Variants in ABCB10 observed in about 807,000 individuals in gnomAD.
The protein encoded by ABCB10 is ATP-binding cassette sub-family B member 10, mitochondrial.
Under a neutral mutation model 65.4 loss-of-function variants are expected in ABCB10, and 54 were observed. The observed-to-expected ratio is 0.83, with a 90% CI of 0.66 to 1.04. The LOEUF (loss-of-function observed/expected upper bound fraction) is 1.04. Ranked by LOEUF, ABCB10 falls within the 50% of genes least tolerant of loss-of-function variation. ABCB10 has a pLI of 0.00. For synonymous variants in ABCB10, 418 were observed against 406.5 expected, an observed-to-expected ratio of 1.03 and a Z score of -0.34; for missense variants, 846 against 976.6, an observed-to-expected ratio of 0.87 and a Z score of 1.78.
chr1:229,542,389 A>T lies in ABCB10; in HGVS notation c.922-18T>A. 6.2e-7 allele frequency: 1 copy of T among 1,609,272 alleles called. No homozygotes were observed. The highest frequency in any genetic ancestry group is 8.5e-7 in the Non-Finnish European group (1 of 1,177,918). ...ACAAAAAACTGTCAAAAACAAAAAAAAATTCAGAGGTGTTTGTTACATTGG... is the reference window on the plus strand; with the variant it reads ...ACAAAAAACTGTCAAAAACAAAAAATAATTCAGAGGTGTTTGTTACATTGG... On this transcript the variant is annotated intron_variant, in intron 3 of 12. Coordinates refer to ENST00000344517, the MANE Select transcript of ABCB10 (RefSeq NM_012089.3).
At chr1:229,524,690 G>A (rs187359632) in intron 10 of ABCB10, among the ~76,000 whole-genome samples, 50 of 152,294 alleles carry the variant, frequency 3.3e-4, no homozygotes, top group African/African-American at 1.2e-3. Flanking sequence ...CCTCACAGCC[G>A]TGAGTCTATT....
Position 229,547,630 on chromosome 1 carries a change from CAAAG to C in ABCB10, c.786_789del (p.Phe262LeufsTer9). 6.2e-7 allele frequency: 1 copy of C among 1,614,190 alleles called. No homozygotes were observed. The highest frequency in any genetic ancestry group is 8.5e-7 in the Non-Finnish European group (1 of 1,180,036). On this transcript the variant is annotated frameshift_variant, in exon 3 of 13. Transcript: ENST00000344517. LOFTEE classifies it high-confidence loss of function. ...ATCAATTCTCCTGTGCGAGTCTTGT[CAAAG>C]AAAGCAACCTCCTGCCTCAGAATGG...
At chr1:229,543,919 T>G (rs1190721701) in intron 3 of ABCB10, among the ~76,000 whole-genome samples, 2 of 152,114 alleles carry the variant, frequency 1.3e-5, no homozygotes. Context: ...AGGGCAGGTC[T>G]AACACTTCTG....
intron 1 of ABCB10, 105 bp downstream of exon 1, chr1:229,558,031 G>A (rs1663301656): frequency 2.5e-6 from 3 of 1,190,264 alleles, no homozygotes; most frequent in Non-Finnish European, 1.1e-6. Flanking sequence ...AGAGGCGGCG[G>A]TGACACGCGC....
intron 6 of ABCB10, among the ~76,000 whole-genome samples, chr1:229,532,383 T>C (rs1662606759): frequency 6.6e-6 from 1 of 152,200 alleles, no homozygotes; most frequent in Non-Finnish European, 1.5e-5. Flanking sequence ...AGCATTGTAA[T>C]TTAACTGAAA....
In ABCB10 at chr1:229,540,642, C is replaced by T; in HGVS notation, c.1167G>A (p.Arg389=). Residue 389 remains arginine (R), a synonymous_variant, in exon 5 of 13, where the codon AGG becomes AGA. Coordinates refer to ENST00000344517, the MANE Select transcript of ABCB10 (RefSeq NM_012089.3). ...SKVDHVMQLA[R]KEAFARAGFF... ...AACCAGCCCGGGCGAATGCCTCTTT[C>T]CTTGCTAACTGCATTACATGGTCCA... 1 of 1,612,246 alleles carries T rather than the reference C, an allele frequency of 6.2e-7. No individual in the cohort carries two copies. Among genetic ancestry groups the T allele is most frequent in the Non-Finnish European group, 8.5e-7 (1 of 1,179,984 alleles).
At position 229,558,205 on chromosome 1, in the gene ABCB10, C is replaced by A. The variant is rs4148756; in HGVS notation, c.448G>T (p.Ala150Ser). 4.5e-3 allele frequency: 6,315 copies of A among 1,417,746 alleles called. 237 individuals carry two copies. The East Asian group carries it at 0.089, about 20-fold the overall frequency. 87.8% of individuals were successfully genotyped at this position (1,417,746 alleles called of 1,614,324 possible). A position where few individuals can be genotyped will look rare whatever the true frequency, so the allele number is the denominator to read the frequency against. Residue 150 changes from alanine (A) to serine (S), a missense_variant, in exon 1 of 13, where the codon GCA (alanine) becomes TCA (serine). Physicochemically the swap from Ala to Ser is moderately conservative, Grantham distance 99. Around this residue, in one of 2 missense-constraint regions of ABCB10, gnomAD observed 632 missense variants for 803.2 expected, o/e 0.79. Transcript: ENST00000344517. The stretch of plus-strand genomic sequence containing the variant: ...CGGGCCTCCGGGAGTCCGGCCGCTG[C>A]GGGGCGCAGCCGCCCCTTGTCCCCG... Reference protein sequence around the residue: ...PPGDKGRLRPAAAGLPEARKL... With the variant: ...PPGDKGRLRPSAAGLPEARKL...
At chr1:229,539,409 C>T in intron 6 of ABCB10, 47 bp downstream of exon 6, 1 of 1,598,206 alleles carries the variant, frequency 6.3e-7, no homozygotes, top group Non-Finnish European at 8.5e-7. Flanking sequence ...AGAAATGATG[C>T]TCTGATTTTT....
At chr1:229,535,428 GA>G (rs1558123713) in intron 6 of ABCB10, among the ~76,000 whole-genome samples, 2 of 152,124 alleles carry the variant, frequency 1.3e-5, no homozygotes, top group African/African-American at 4.8e-5. Flanking sequence ...GCCATAAAAA[GA>G]CATGGAGAAA....
At chr1:229,551,935 C>A (rs767780747) in intron 1 of ABCB10, among the ~76,000 whole-genome samples, 31 of 152,196 alleles carry the variant, frequency 2.0e-4, no homozygotes, top group Non-Finnish European at 3.5e-4. Flanking sequence ...AAAGGTCCAC[C>A]TCTTCCCTCC....
At chr1:229,531,591 A>T (rs776389290) in intron 7 of ABCB10, 45 bp downstream of exon 7, 1 of 1,579,480 alleles carries the variant, frequency 6.3e-7, no homozygotes, top group East Asian at 2.2e-5. Flanking sequence ...CATTGTTCAA[A>T]GCCACATTTG....
intron 1 of ABCB10, among the ~76,000 whole-genome samples, chr1:229,557,614 G>C (rs1313547737): frequency 6.6e-6 from 1 of 152,076 alleles, no homozygotes; most frequent in African/African-American, 2.4e-5. Context: ...GTGGCCTGTT[G>C]AACACAGTGC....
Position 229,517,700 on chromosome 1 carries a change from T to C in ABCB10, c.*479A>G, listed in dbSNP as rs1388772573. 1 of 156,066 alleles carries C rather than the reference T, an allele frequency of 6.4e-6. No individual in the cohort carries two copies. The highest frequency in any genetic ancestry group is 1.4e-5 in the Non-Finnish European group (1 of 70,882). 9.7% of individuals were successfully genotyped at this position (156,066 alleles called of 1,614,324 possible). On this transcript the variant is annotated 3_prime_UTR_variant, in exon 13 of 13. Transcript: ENST00000344517. ...GGTTTGCTTCATGAGATTATCGGAA[T>C]AAAGGGTTAAATTTTCAATTTCCAT...
intron 4 of ABCB10, 30 bp from the exon 5 acceptor site, chr1:229,540,782 G>A: frequency 1.3e-6 from 2 of 1,595,930 alleles, no homozygotes; most frequent in Non-Finnish European, 1.7e-6. Flanking sequence ...ATTTCAGGAG[G>A]AGAAGGGTCA....
intron 1 of ABCB10, among the ~76,000 whole-genome samples, chr1:229,554,151 G>C (rs888318133): frequency 6.6e-6 from 1 of 152,172 alleles, no homozygotes; most frequent in Non-Finnish European, 1.5e-5. Flanking sequence ...GATGCAGGTG[G>C]GTGTGATGGA....
At position 229,521,579 on chromosome 1, in the gene ABCB10, G is replaced by A. The variant is rs201648623; in HGVS notation, c.1950+13C>T. On this transcript the variant is annotated intron_variant, in intron 11 of 12. Transcript: ENST00000344517. ...CCCTAATTTAAAAAACATCCAAGTC[G>A]CTTCAGGCTTACCTTTAGCAGAGCA... 7.6e-4 allele frequency: 1,212 copies of A among 1,590,422 alleles called. 12 individuals carry two copies. The highest frequency in any genetic ancestry group is 4.5e-4 in the Admixed American group (26 of 57,882).
chr1:229,549,719 C>T (rs1663061418), intron 1 of ABCB10, among the ~76,000 whole-genome samples: 1 of 152,112 alleles, frequency 6.6e-6, no homozygotes, highest in African/African-American at 2.4e-5. Context: ...AAACTGGGAG[C>T]CAACTATGGA....
rs1451347580 is a variant in ABCB10 at position 229,558,430 on chromosome 1, C to T, written c.223G>A (p.Gly75Arg). 6.6e-6 allele frequency: 8 copies of T among 1,208,684 alleles called. No individual in the cohort carries two copies. Among genetic ancestry groups the T allele is most frequent in the East Asian group, 7.6e-5 (2 of 26,442 alleles). The allele number at this position is 1,208,684 out of a possible 1,614,324, so 74.9% of individuals were successfully genotyped here. ...ARRWRSGCRG[G>R]GPGASRGVLG... Reference sequence around the variant, plus strand: ...ACGCCCCGCGAGGCGCCCGGACCCCCGCCCCGGCAGCCGCTCCTCCAGCGG... The same window carrying T: ...ACGCCCCGCGAGGCGCCCGGACCCCTGCCCCGGCAGCCGCTCCTCCAGCGG... Residue 75 changes from glycine to arginine, a missense_variant, in exon 1 of 13, where the codon GGG (glycine) becomes AGG (arginine). By Grantham distance (125) the Gly-to-Arg change is moderately radical. Coordinates refer to ENST00000344517, the MANE Select transcript of ABCB10 (RefSeq NM_012089.3).
rs754826563 is a variant in ABCB10, at chr1:229,558,230, G to A, written c.423C>T (p.Pro141=). Residue 141 remains proline, a synonymous_variant, in exon 1 of 13, where the codon CCC becomes CCT. Coordinates refer to ENST00000344517, the MANE Select transcript of ABCB10 (RefSeq NM_012089.3). ...EAWRRGPAAP[P]GDKGRLRPAA... is the part of the protein sequence containing the mutation. ...CGGGGCGCAGCCGCCCCTTGTCCCC[G>A]GGAGGCGCCGCCGGCCCGCGCCGCC... 12 of 1,361,574 alleles carry A rather than the reference G, an allele frequency of 8.8e-6. No individual in the cohort carries two copies. The South Asian group carries it at 1.3e-4, about 15-fold the overall frequency. The allele number at this position is 1,361,574 out of a possible 1,614,324, so 84.3% of individuals were successfully genotyped here.
Sources: gnomAD v4.1 joint callset for allele counts (sites outside exome capture counted in the v4.1 genomes callset) on GRCh38, gnomAD v4.1.1 for gene constraint, gnomAD v4.1.1 regional missense constraint, MANE v1.5 for transcripts, NCBI Gene and HGNC (gene_info 2026-07-23, HGNC 2026-07-21) for gene names.